Variants in HECW2 observed in about 807,000 individuals in gnomAD.
The protein encoded by HECW2 is HECT, C2 and WW domain containing E3 ubiquitin protein ligase 2.
HECW2 carries 61 observed loss-of-function variants against 175.2 expected under a neutral mutation model. The observed-to-expected ratio is 0.35, with a 90% confidence interval of 0.28 to 0.43. The LOEUF is 0.43. Among genes scored for constraint, HECW2 ranks in the 20% least tolerant of loss-of-function variants. HECW2 has a pLI of 1.00. For synonymous variants in HECW2, 671 were observed against 731.0 expected (o/e 0.92, Z 1.32); for missense variants, 1,524 against 2,000.5 (o/e 0.76, Z 4.54).
At chr2:196,256,013 C>A (rs905821256) in intron 18 of HECW2, among the ~76,000 whole-genome samples, 1 of 152,058 alleles carries the variant, frequency 6.6e-6, no homozygotes, top group African/African-American at 2.4e-5. Flanking sequence ...GTGGAGGTTG[C>A]AATGAGATGA....
chr2:196,201,477 T>C (rs1208936909), intron 28 of HECW2, 89 bp from the exon 29 acceptor site: 6 of 717,358 alleles, frequency 8.4e-6, no homozygotes, highest in Non-Finnish European at 1.4e-5. Flanking sequence ...TGTCTGTGTG[T>C]GTATGACTGT....
chr2:196,528,535 A>G (rs938528764), intron 1 of HECW2, among the ~76,000 whole-genome samples: 3 of 152,204 alleles, frequency 2.0e-5, no homozygotes, highest in African/African-American at 7.2e-5. Context: ...CAGGACTAGA[A>G]CCTTGGTATC....
intron 1 of HECW2, among the ~76,000 whole-genome samples, chr2:196,531,763 C>A (rs999658654): frequency 5.9e-5 from 9 of 152,164 alleles, no homozygotes; most frequent in Non-Finnish European, 1.3e-4. Context: ...ACTTTACCAC[C>A]TCTTAATGTT....
intron 1 of HECW2, among the ~76,000 whole-genome samples, chr2:196,484,393 T>A (rs1229786121): frequency 6.6e-6 from 1 of 152,206 alleles, no homozygotes; most frequent in East Asian, 1.9e-4. Context: ...AGAATTTATG[T>A]TTAAAATGAC....
chr2:196,401,827 C>T (rs1694824045), intron 2 of HECW2, among the ~76,000 whole-genome samples: 1 of 152,106 alleles, frequency 6.6e-6, no homozygotes, highest in African/African-American at 2.4e-5. Context: ...AACAAAATCC[C>T]TCAGATAAGT....
intron 2 of HECW2, among the ~76,000 whole-genome samples, chr2:196,397,533 T>C (rs1356127490): frequency 1.3e-5 from 2 of 152,254 alleles, no homozygotes; most frequent in Non-Finnish European, 2.9e-5. Flanking sequence ...GTTTGTTTTT[T>C]CTTTTTATTA....
At chr2:196,229,592 A>G (rs1406634433) in intron 21 of HECW2, among the ~76,000 whole-genome samples, 4 of 152,200 alleles carry the variant, frequency 2.6e-5, no homozygotes, top group Non-Finnish European at 5.9e-5. Flanking sequence ...AGGCAGGAGC[A>G]TCTCTTGAGC....
intron 2 of HECW2, 93 bp downstream of exon 2, chr2:196,433,038 AT>A (rs1225200157): frequency 1.7e-5 from 21 of 1,257,922 alleles, no homozygotes; most frequent in Non-Finnish European, 2.2e-5. Context: ...GTGCATGTGA[AT>A]TTTTTTCCAG....
At chr2:196,276,185 C>T (rs905923709) in intron 15 of HECW2, among the ~76,000 whole-genome samples, 2 of 152,344 alleles carry the variant, frequency 1.3e-5, no homozygotes, top group East Asian at 1.9e-4. Flanking sequence ...TGGGCAATCC[C>T]TCTGATGGGC....
At chr2:196,362,621 T>C (rs1053235792) in intron 2 of HECW2, among the ~76,000 whole-genome samples, 1 of 152,248 alleles carries the variant, frequency 6.6e-6, no homozygotes, top group African/African-American at 2.4e-5. Flanking sequence ...AAACGTAATA[T>C]AGCTTTAATG....
intron 28 of HECW2, among the ~76,000 whole-genome samples, chr2:196,213,458 C>T (rs1050907211): frequency 3.3e-5 from 5 of 152,150 alleles, no homozygotes; most frequent in Admixed American, 6.5e-5. Flanking sequence ...TGTGCTCCTG[C>T]GTGTTACCTG....
chr2:196,381,010 ACTCTACCATTCCCGAAGTGCTTCTC>A (rs1168558938), intron 2 of HECW2, among the ~76,000 whole-genome samples: 8 of 152,004 alleles, frequency 5.3e-5, no homozygotes, highest in Non-Finnish European at 1.0e-4. Context: ...GGGGGTTCTC[ACTCTACCATTCCCGAAGTGCTTCTC>A]CTCACAATCA....
At chr2:196,278,149 T>TATATATATATATATAA (rs1481136211) in intron 15 of HECW2, among the ~76,000 whole-genome samples, 1 of 119,586 alleles carries the variant, frequency 8.4e-6, no homozygotes, top group African/African-American at 2.8e-5. Flanking sequence ...TATATATATA[T>TATATATATATATATAA]ATAAAGAAAT....
At chr2:196,591,963 G>A (rs1691213027) in intron 1 of HECW2, among the ~76,000 whole-genome samples, 1 of 151,990 alleles carries the variant, frequency 6.6e-6, no homozygotes, top group Non-Finnish European at 1.5e-5. Flanking sequence ...GGAAGAGAAA[G>A]AAAAAAAGCT....
intron 4 of HECW2, among the ~76,000 whole-genome samples, chr2:196,332,084 A>T (rs1329526065): frequency 6.6e-6 from 1 of 152,188 alleles, no homozygotes; most frequent in Non-Finnish European, 1.5e-5. Context: ...AATACAAATG[A>T]CAGAGAGGTC....
chr2:196,375,815 T>C (rs567009258), intron 2 of HECW2, among the ~76,000 whole-genome samples: 2 of 152,394 alleles, frequency 1.3e-5, no homozygotes, highest in East Asian at 3.9e-4. Context: ...ATTACTGTAT[T>C]GCAGTTATGC....
In HECW2 at chr2:196,382,332, G is replaced by GA. The variant is rs1192282131; in HGVS notation, c.293-38569dup. 2.6e-5 allele frequency among the ~76,000 whole-genome samples: 4 copies of GA among 151,344 alleles called. No homozygotes were observed. In the East Asian group the frequency reaches 7.7e-4, roughly 29 times the overall value. On this transcript the variant is annotated intron_variant, in intron 2 of 28. Transcript: ENST00000644978. Reference sequence around the variant, plus strand: ...AACTAATGAGCATTGTTACCTGTGAGAAAAAAAGGGAAAAATTTGGAAATG... The same window carrying GA: ...AACTAATGAGCATTGTTACCTGTGAGAAAAAAAAGGGAAAAATTTGGAAATG...
At chr2:196,409,814 G>A (rs2125224955) in intron 2 of HECW2, among the ~76,000 whole-genome samples, 1 of 152,266 alleles carries the variant, frequency 6.6e-6, no homozygotes, top group South Asian at 2.1e-4. Context: ...TTTTTAAAAA[G>A]CACATATCCT....
intron 1 of HECW2, among the ~76,000 whole-genome samples, chr2:196,536,650 AAGG>A (rs1267382788): frequency 7.9e-5 from 12 of 152,206 alleles, no homozygotes; most frequent in Admixed American, 3.9e-4. Flanking sequence ...TGAAGGAAAA[AAGG>A]AGATTATAGA....
Sources: allele counts gnomAD v4.1 joint callset (sites outside exome capture counted in the v4.1 genomes callset), GRCh38; gene constraint gnomAD v4.1.1; transcripts MANE v1.5; gene names NCBI Gene and HGNC (gene_info 2026-07-23, HGNC 2026-07-21).